Variants in SIPA1L1 observed in about 807,000 individuals in gnomAD.
SIPA1L1 encodes signal-induced proliferation-associated 1-like protein 1.
SIPA1L1 carries 26 observed loss-of-function variants against 162.7 expected under a neutral mutation model. The ratio of observed to expected loss-of-function variants is 0.16; its 90% CI spans 0.12 to 0.22. The LOEUF (loss-of-function observed/expected upper bound fraction) is 0.22, where lower values mean the gene tolerates loss of function less well. Ranked by LOEUF, SIPA1L1 falls within the 10% of genes least tolerant of loss-of-function variation. The pLI is 1.00. For missense variants in SIPA1L1, 1,874 were observed against 2,241.0 expected, an observed-to-expected ratio of 0.84 and a Z score of 3.31; for synonymous variants, 829 against 837.4, an observed-to-expected ratio of 0.99 and a Z score of 0.17.
At position 71,588,788 on chromosome 14, in the gene SIPA1L1, G is replaced by T; in HGVS notation, c.916G>T (p.Glu306Ter). ...TAAATTGCGCAATGCCAAAGGTGAA[G>T]AACTTGGGAAGTCATCAGATCTTGA... ...FRKLRNAKGE[E>*]LGKSSDLEDN... is the part of the protein sequence containing the mutation. The change falls in exon 5 of 24, where the codon GAA becomes TAA. Residue 306 changes from glutamate to a stop codon, truncating the protein, a stop_gained. Coordinates refer to ENST00000381232, the MANE Select transcript of SIPA1L1 (RefSeq NM_001386936.1). LOFTEE classifies it high-confidence loss of function. This position sits in a 1 kb window ranked among gnomAD's most constrained non-coding sequence, Gnocchi z 4.3. 1 of 1,614,124 alleles carries T rather than the reference G, an allele frequency of 6.2e-7. No individual in the cohort carries two copies. Among genetic ancestry groups the T allele is most frequent in the South Asian group, 1.1e-5 (1 of 91,078 alleles).
chr14:71,579,310 T>C (rs985680955), intron 4 of SIPA1L1, among the ~76,000 whole-genome samples: 1 of 152,216 alleles, frequency 6.6e-6, no homozygotes, highest in Non-Finnish European at 1.5e-5. Context: ...TCTATATTTC[T>C]AGGCTATGTA....
intron 2 of SIPA1L1, among the ~76,000 whole-genome samples, chr14:71,325,865 G>A (rs540676621): frequency 6.8e-4 from 104 of 152,314 alleles, no homozygotes; most frequent in African/African-American, 2.4e-3. Context: ...GAAATTGCGG[G>A]AAGCAGGCAA....
At chr14:71,506,776 TC>T (rs1318357771) in intron 2 of SIPA1L1, among the ~76,000 whole-genome samples, 37 of 152,264 alleles carry the variant, frequency 2.4e-4, no homozygotes, top group Admixed American at 2.4e-3. Context: ...CTCTATGAAT[TC>T]TCTCCATATT....
At chr14:71,624,355 C>G (rs969235614) in intron 7 of SIPA1L1, 119 bp downstream of exon 7, 53 of 845,000 alleles carry the variant, frequency 6.3e-5, no homozygotes, top group Non-Finnish European at 8.0e-5. Flanking sequence ...TTGTGAAAGA[C>G]ACTCTCTTTG....
At chr14:71,492,875 C>T (rs773065968) in intron 2 of SIPA1L1, among the ~76,000 whole-genome samples, 13 of 151,694 alleles carry the variant, frequency 8.6e-5, no homozygotes, top group South Asian at 2.1e-4. Flanking sequence ...ATTCTCCCAC[C>T]GTGGCCTCCC....
chr14:71,458,117 C>T (rs2046322609), intron 2 of SIPA1L1, among the ~76,000 whole-genome samples: 1 of 151,848 alleles, frequency 6.6e-6, no homozygotes, highest in African/African-American at 2.4e-5. Flanking sequence ...GAAGTGTTAC[C>T]TACCCCTTAG....
chr14:71,698,871 C>A, intron 13 of SIPA1L1, 110 bp from the exon 14 acceptor site: 2 of 956,000 alleles, frequency 2.1e-6, no homozygotes, highest in Non-Finnish European at 2.9e-6. Flanking sequence ...TTTTCACTAT[C>A]TCCATGAAGT....
At chr14:71,365,306 A>T (rs1198909461) in intron 2 of SIPA1L1, among the ~76,000 whole-genome samples, 1 of 152,182 alleles carries the variant, frequency 6.6e-6, no homozygotes, top group Non-Finnish European at 1.5e-5. Context: ...TACAGGCATG[A>T]GCCACCCTGC....
At chr14:71,446,894 G>GGTTTTTTTTTTTT (rs2045394010) in intron 2 of SIPA1L1, among the ~76,000 whole-genome samples, 4 of 87,404 alleles carry the variant, frequency 4.6e-5, no homozygotes, top group Admixed American at 1.6e-4. Context: ...GATGGGCTCT[G>GGTTTTTTTTTTTT]TTTTTTTTTT....
intron 5 of SIPA1L1, among the ~76,000 whole-genome samples, chr14:71,606,097 C>T (rs1371460993): frequency 1.3e-5 from 2 of 152,122 alleles, no homozygotes; most frequent in Non-Finnish European, 2.9e-5. Context: ...ATCCCCAGAC[C>T]CCTGGAAGAT....
At chr14:71,719,105 AT>A (rs1343944839) in intron 17 of SIPA1L1, among the ~76,000 whole-genome samples, 1 of 151,640 alleles carries the variant, frequency 6.6e-6, no homozygotes, top group South Asian at 2.1e-4. Context: ...CACCTGGCTA[AT>A]TTTTTTTATT....
chr14:71,455,340 T>C (rs552081629), intron 2 of SIPA1L1, among the ~76,000 whole-genome samples: 1 of 152,344 alleles, frequency 6.6e-6, no homozygotes, highest in East Asian at 1.9e-4. Context: ...TTGCTTTTTT[T>C]CATCCCTTTT....
chr14:71,659,726 A>T (rs1229925151), intron 9 of SIPA1L1, among the ~76,000 whole-genome samples: 3 of 152,160 alleles, frequency 2.0e-5, no homozygotes, highest in African/African-American at 7.2e-5. Context: ...ACAAGATTGG[A>T]TTGATTATTT....
intron 2 of SIPA1L1, among the ~76,000 whole-genome samples, chr14:71,388,665 A>G (rs139027019): frequency 1.5e-3 from 231 of 152,334 alleles, no homozygotes; most frequent in Non-Finnish European, 2.5e-3. Flanking sequence ...TCCTGCAGAA[A>G]ATGGTAGAAG....
intron 12 of SIPA1L1, among the ~76,000 whole-genome samples, chr14:71,674,449 TA>T (rs1434106900): frequency 6.6e-6 from 1 of 152,216 alleles, no homozygotes; most frequent in Non-Finnish European, 1.5e-5. Context: ...CTGAGTTTTT[TA>T]CCTTAATATG....
At chr14:71,737,146 C>T (rs1382130631) in intron 22 of SIPA1L1, among the ~76,000 whole-genome samples, 1 of 152,194 alleles carries the variant, frequency 6.6e-6, no homozygotes, top group African/African-American at 2.4e-5. Context: ...CTCCATCAGC[C>T]CACAGCCTTG....
intron 4 of SIPA1L1, chr14:71,573,721 T>TC: frequency 2.2e-6 from 1 of 456,738 alleles, no homozygotes; most frequent in Non-Finnish European, 4.4e-6. Flanking sequence ...GGTTTTTTTC[T>TC]CCCCCTAAAA....
At chr14:71,589,668 C>A (rs891781350) in intron 5 of SIPA1L1, among the ~76,000 whole-genome samples, 4 of 152,128 alleles carry the variant, frequency 2.6e-5, no homozygotes, top group African/African-American at 7.2e-5. Flanking sequence ...TTTGCTGTGT[C>A]ACCTTTAGGG....
intron 12 of SIPA1L1, among the ~76,000 whole-genome samples, chr14:71,679,011 T>C (rs1165350003): frequency 6.6e-6 from 1 of 152,164 alleles, no homozygotes; most frequent in African/African-American, 2.4e-5. Flanking sequence ...GAAAACACTC[T>C]TCAGGATATT....
Sources: gnomAD v4.1 joint callset for allele counts (sites outside exome capture counted in the v4.1 genomes callset) on GRCh38, gnomAD v4.1.1 for gene constraint, Gnocchi (gnomAD v3.1) non-coding constraint, MANE v1.5 for transcripts, NCBI Gene and HGNC (gene_info 2026-07-23, HGNC 2026-07-21) for gene names.